Variants in VWA3B observed in about 807,000 individuals in gnomAD.
The protein encoded by VWA3B is von Willebrand factor A domain containing 3B.
VWA3B carries 138 observed loss-of-function variants against 158.3 expected under a neutral mutation model. The ratio of observed to expected loss-of-function variants is 0.87; its 90% CI spans 0.76 to 1.00. The LOEUF (loss-of-function observed/expected upper bound fraction) is 1.00, where lower values mean the gene tolerates loss of function less well. Among genes scored for constraint, VWA3B ranks in the 50% least tolerant of loss-of-function variants. The pLI is 0.00. For missense variants in VWA3B, 1,555 were observed against 1,565.1 expected, an observed-to-expected ratio of 0.99 and a Z score of 0.11; for synonymous variants, 596 against 587.3, an observed-to-expected ratio of 1.01 and a Z score of -0.21.
At position 98,270,808 on chromosome 2, in the gene VWA3B, G is replaced by A. The variant is rs755038362; in HGVS notation, c.2970G>A (p.Gly990=). The A allele has an allele frequency of 1.2e-6, 2 of 1,614,106 alleles. No homozygotes were observed. Among genetic ancestry groups the A allele is most frequent in the African/African-American group, 1.3e-5 (1 of 75,014 alleles). The change falls in exon 22 of 28, where the codon GGG becomes GGA. Residue 990 remains glycine (G), a synonymous_variant. Transcript: ENST00000477737. ...TGCTGGAAAGTGAAATCCTAGCTGGGAAAATGTACATCCAGCAGGCCATGG... is the reference window on the plus strand; with the variant it reads ...TGCTGGAAAGTGAAATCCTAGCTGGAAAAATGTACATCCAGCAGGCCATGG... The part of the protein sequence containing the change: ...LSMLESEILA[G]KMYIQQAMEL...
At chr2:98,105,668 C>T (rs1366133306) in intron 2 of VWA3B, among the ~76,000 whole-genome samples, 2 of 151,980 alleles carry the variant, frequency 1.3e-5, no homozygotes. Flanking sequence ...ATCAAGGTTG[C>T]AGTGAGCTAT....
intron 26 of VWA3B, among the ~76,000 whole-genome samples, chr2:98,309,932 G>A (rs1690783719): frequency 6.6e-6 from 1 of 152,178 alleles, no homozygotes; most frequent in African/African-American, 2.4e-5. Context: ...AGTGTCCTAT[G>A]TAATTTAGAA....
At chr2:98,168,380 C>A (rs1679284527) in intron 8 of VWA3B, among the ~76,000 whole-genome samples, 1 of 143,886 alleles carries the variant, frequency 6.9e-6, no homozygotes, top group African/African-American at 2.8e-5. Context: ...CACACATACA[C>A]ACACACACAC....
chr2:98,312,340 G>A lies in VWA3B; in HGVS notation c.3876G>A (p.Glu1292=), dbSNP rs1419822858. The A allele has an allele frequency of 1.2e-6, 2 of 1,611,772 alleles. No homozygotes were observed. Among genetic ancestry groups the A allele is most frequent in the East Asian group, 2.2e-5 (1 of 44,822 alleles). The change falls in exon 28 of 28, where the codon GAG becomes GAA. Residue 1292 remains glutamate (E), a synonymous_variant. Transcript: ENST00000477737. ...GCAAAGGGCTGAGGAGCGTCCCTGAGACACTTTAAGGCCGTCTGGTGGCAG... is the reference window on the plus strand; with the variant it reads ...GCAAAGGGCTGAGGAGCGTCCCTGAAACACTTTAAGGCCGTCTGGTGGCAG... The part of the protein sequence containing the change: ...HSSKGLRSVP[E]TL
At chr2:98,325,574 C>T in the VWA3B span, among the ~76,000 whole-genome samples, 27 of 152,222 alleles carry the variant, frequency 1.8e-4, no homozygotes, top group African/African-American at 6.0e-4. Flanking sequence ...AACAGAAAAT[C>T]GTATCTTAAG....
chr2:98,181,784 C>T (rs554789118), intron 9 of VWA3B, among the ~76,000 whole-genome samples: 2 of 152,310 alleles, frequency 1.3e-5, no homozygotes, highest in East Asian at 3.9e-4. Context: ...GGACAGTGCT[C>T]GACAGCAGTG....
At position 98,188,040 on chromosome 2, in the gene VWA3B, T is replaced by C. The variant is rs1286353653; in HGVS notation, c.1377T>C (p.Asp459=). 1.2e-6 allele frequency: 2 copies of C among 1,613,944 alleles called. No individual in the cohort carries two copies. Among genetic ancestry groups the C allele is most frequent in the East Asian group, 4.5e-5 (2 of 44,878 alleles). The part of the protein sequence containing the change: ...CSRFVHAPWK[D]GSLVHVNITK... ...GGTTTGTCCATGCTCCCTGGAAGGA[T>C]GGGAGCTTGGTCCACGTCAACATTA... Residue 459 remains aspartate (D), a synonymous_variant, in exon 10 of 28, where the codon GAT becomes GAC. Transcript: ENST00000477737.
intron 7 of VWA3B, among the ~76,000 whole-genome samples, chr2:98,153,755 G>A (rs1056079348): frequency 6.6e-6 from 1 of 152,202 alleles, no homozygotes; most frequent in Non-Finnish European, 1.5e-5. Flanking sequence ...GAGCCGGAGC[G>A]GCTGTGCATC....
intron 10 of VWA3B, 141 bp from the exon 11 acceptor site, chr2:98,192,757 C>G: frequency 8.5e-7 from 1 of 1,177,194 alleles, no homozygotes; most frequent in Non-Finnish European, 1.2e-6. Flanking sequence ...AACCTCAAAG[C>G]GAATGATCTA....
rs540346254 is a variant in VWA3B, at chr2:98,289,223, G to C, written c.3046-1288G>C. 9.9e-5 allele frequency among the ~76,000 whole-genome samples: 15 copies of C among 152,236 alleles called. No individual in the cohort carries two copies. In the South Asian group the frequency reaches 2.9e-3, roughly 30 times the overall value. Reference sequence around the variant, plus strand: ...ATGTTAGATATATATATGCATGCTTGTATATCTATATATGCATATATTTCC... The same window carrying C: ...ATGTTAGATATATATATGCATGCTTCTATATCTATATATGCATATATTTCC... On this transcript the variant is annotated intron_variant, in intron 22 of 27. Transcript: ENST00000477737.
In VWA3B at chr2:98,292,879, G is replaced by A. The variant is rs113251245; in HGVS notation, c.3157+2257G>A. On this transcript the variant is annotated intron_variant, in intron 23 of 27. Transcript: ENST00000477737. ...CTCGGGAGGCTGAGGCAGGAGAATC[G>A]CTTGAACCCAGAAGACAGAGGTTGC... 7.9e-3 allele frequency among the ~76,000 whole-genome samples: 1,197 copies of A among 151,894 alleles called. 16 individuals carry two copies. Among genetic ancestry groups the A allele is most frequent in the African/African-American group, 0.027 (1,128 of 41,388 alleles).
intron 20 of VWA3B, among the ~76,000 whole-genome samples, chr2:98,253,856 G>A (rs1484106858): frequency 2.0e-5 from 3 of 152,242 alleles, no homozygotes; most frequent in East Asian, 3.9e-4. Flanking sequence ...TGGACCAGCC[G>A]CAGAGAGGCC....
the VWA3B span, among the ~76,000 whole-genome samples, chr2:98,326,657 T>G: frequency 6.6e-6 from 1 of 152,030 alleles, no homozygotes; most frequent in Non-Finnish European, 1.5e-5. Flanking sequence ...GTTAGGAGGC[T>G]GGAGTGGGAG....
In VWA3B at chr2:98,300,109, A is replaced by G. The variant is rs1690083393; in HGVS notation, c.3313A>G (p.Ile1105Val). The G allele has an allele frequency of 1.2e-6, 2 of 1,614,120 alleles. No homozygotes were observed. Among genetic ancestry groups the G allele is most frequent in the South Asian group, 1.1e-5 (1 of 91,086 alleles). ...AGATTATGTGTTTGCCAAAATTGTG[A>G]TACCCAAAGGATTTGACTTCTATGT... is the stretch of plus-strand genomic sequence containing the variant. Reference protein sequence around the residue: ...VGDYVFAKIVIPKGFDFYVPA... With the variant: ...VGDYVFAKIVVPKGFDFYVPA... Residue 1105 changes from isoleucine (I) to valine (V), a missense_variant, in exon 25 of 28, where the codon ATA becomes GTA. Ile to Val is a conservative substitution (Grantham distance 29). Coordinates refer to ENST00000477737, the MANE Select transcript of VWA3B (RefSeq NM_144992.5).
At chr2:98,154,670 T>TTAATCAAGGGAATTAC (rs1249058445) in intron 7 of VWA3B, among the ~76,000 whole-genome samples, 1 of 152,146 alleles carries the variant, frequency 6.6e-6, no homozygotes, top group Non-Finnish European at 1.5e-5. Context: ...CTCCTTAGAA[T>TTAATCAAGGGAATTAC]TGTACTGAAA....
intron 3 of VWA3B, among the ~76,000 whole-genome samples, chr2:98,117,611 G>T (rs1309198147): frequency 6.6e-6 from 1 of 152,198 alleles, no homozygotes; most frequent in Non-Finnish European, 1.5e-5. Context: ...CCAGGAAACA[G>T]CAGAGAGCCT....
intron 16 of VWA3B, among the ~76,000 whole-genome samples, chr2:98,231,731 T>A (rs1481279452): frequency 1.3e-5 from 2 of 152,248 alleles, no homozygotes; most frequent in Non-Finnish European, 2.9e-5. Flanking sequence ...TATCAAATGC[T>A]TTTTCTGTGT....
intron 12 of VWA3B, among the ~76,000 whole-genome samples, chr2:98,198,883 A>G (rs1197152741): frequency 5.9e-5 from 9 of 152,164 alleles, no homozygotes; most frequent in African/African-American, 2.2e-4. Flanking sequence ...TCAGGAGATC[A>G]AGACCATCCT....
At chr2:98,233,449 G>A (rs974294359) in intron 16 of VWA3B, among the ~76,000 whole-genome samples, 2 of 152,184 alleles carry the variant, frequency 1.3e-5, no homozygotes, top group Non-Finnish European at 1.5e-5. Context: ...AAATCTGATT[G>A]TTTTGCCTGG....
Sources: gnomAD v4.1 joint callset for allele counts (sites outside exome capture counted in the v4.1 genomes callset) on GRCh38, gnomAD v4.1.1 for gene constraint, MANE v1.5 for transcripts, NCBI Gene and HGNC (gene_info 2026-07-23, HGNC 2026-07-21) for gene names.